FOCAD: variants seen among roughly 807,000 people sequenced by gnomAD.
FOCAD encodes focadhesin.
A neutral mutation model predicts 225.6 loss-of-function variants in FOCAD; 198 were observed. The ratio of observed to expected loss-of-function variants is 0.88; its 90% CI spans 0.78 to 0.99. The LOEUF (loss-of-function observed/expected upper bound fraction) is 0.99, where lower values mean the gene tolerates loss of function less well. Ranked by LOEUF, FOCAD falls within the 50% of genes least tolerant of loss-of-function variation. The pLI is 0.00. For missense variants in FOCAD, 2,713 were observed against 2,123.6 expected, an observed-to-expected ratio of 1.28 and a Z score of -5.46; for synonymous variants, 897 against 755.0, an observed-to-expected ratio of 1.19 and a Z score of -3.08.
chr9:20,931,334 G>A (rs2132212400), intron 27 of FOCAD, among the ~76,000 whole-genome samples: 1 of 152,232 alleles, frequency 6.6e-6, no homozygotes, highest in Non-Finnish European at 1.5e-5. Flanking sequence ...ACGTTCCTGT[G>A]TTTGATAGCA....
At chr9:20,789,767 T>C (rs1820331962) in intron 11 of FOCAD, among the ~76,000 whole-genome samples, 159 bp downstream of exon 11, 14 of 152,222 alleles carry the variant, frequency 9.2e-5, no homozygotes, top group Admixed American at 8.5e-4. Context: ...TTTTTCTTCT[T>C]TTTCCTTACT....
intron 19 of FOCAD, chr9:20,875,927 T>G (rs886647160): frequency 1.3e-5 from 2 of 152,222 alleles, no homozygotes; most frequent in African/African-American, 4.8e-5. Context: ...AAATTTAATT[T>G]CTGGAAATGA....
chr9:20,790,772 A>G (rs1417194538), intron 11 of FOCAD, among the ~76,000 whole-genome samples: 1 of 152,162 alleles, frequency 6.6e-6, no homozygotes, highest in Non-Finnish European at 1.5e-5. Context: ...AGCAAAAAAC[A>G]AAAACAAAAA....
chr9:20,768,201 C>G (rs761291892), intron 7 of FOCAD, among the ~76,000 whole-genome samples: 47 of 148,682 alleles, frequency 3.2e-4, no homozygotes, highest in Non-Finnish European at 5.1e-4. Context: ...GTTTTGGTAC[C>G]AGTACCATGC....
In FOCAD at chr9:20,885,212, A is replaced by G; in HGVS notation, c.2607A>G (p.Ser869=). 6.5e-7 allele frequency: 1 copy of G among 1,529,052 alleles called. No homozygotes were observed. The highest frequency in any genetic ancestry group is 8.8e-7 in the Non-Finnish European group (1 of 1,136,056). The allele number at this position is 1,529,052 out of a possible 1,614,324, so 94.7% of individuals were successfully genotyped here. Residue 869 remains serine, a synonymous_variant, in exon 21 of 44, where the codon TCA becomes TCG. Coordinates refer to ENST00000338382, the MANE Select transcript of FOCAD (RefSeq NM_001375567.1). ...ASRGRSFKQT[S]LALVHEVHIQ... ...GAGGGCGAAGTTTCAAGCAGACTTCACTTGCTCTTGTACATGAGGTAGGTT... is the reference window on the plus strand; with the variant it reads ...GAGGGCGAAGTTTCAAGCAGACTTCGCTTGCTCTTGTACATGAGGTAGGTT...
At position 20,752,361 on chromosome 9, in the gene FOCAD, T is replaced by A. The variant is rs1177907133; in HGVS notation, c.393-5729T>A. ...TAAGGTGTAAGGAAGGGATCCAGTT[T>A]CAGCTTTCTCCATATGGCTAGCCAG... is the stretch of plus-strand genomic sequence containing the variant. On this transcript the variant is annotated intron_variant, in intron 5 of 43. Transcript: ENST00000338382. Among the ~76,000 whole-genome samples the A allele has an allele frequency of 7.3e-5, 11 of 151,514 alleles. No individual in the cohort carries two copies. In the South Asian group the frequency reaches 2.1e-3, roughly 29 times the overall value.
chr9:20,759,798 T>C (rs918054176), intron 6 of FOCAD, among the ~76,000 whole-genome samples: 5 of 152,220 alleles, frequency 3.3e-5, no homozygotes, highest in African/African-American at 9.7e-5. Flanking sequence ...GTTAGGAAAG[T>C]TGGCTAGAAT....
At chr9:20,752,305 G>C (rs1424638768) in intron 5 of FOCAD, among the ~76,000 whole-genome samples, 2 of 150,862 alleles carry the variant, frequency 1.3e-5, no homozygotes, top group Non-Finnish European at 3.0e-5. Context: ...TAACGTTTAA[G>C]TCTTTAATCC....
At chr9:20,859,887 G>T (rs554930206) in intron 15 of FOCAD, among the ~76,000 whole-genome samples, 1 of 151,860 alleles carries the variant, frequency 6.6e-6, no homozygotes, top group East Asian at 1.9e-4. Context: ...GTAGATTTGT[G>T]GTTGCCTAGA....
Position 20,844,888 on chromosome 9 carries a change from T to C in FOCAD, c.1921-17690T>C, listed in dbSNP as rs1322540444. ...TCTTTCGTGAAATTTTCCTATCCCT[T>C]AGGTTTGTGTCCTTCTCTTTTTATT... On this transcript the variant is annotated intron_variant, in intron 15 of 43. Coordinates refer to ENST00000338382, the MANE Select transcript of FOCAD (RefSeq NM_001375567.1). Among the ~76,000 whole-genome samples the C allele has an allele frequency of 4.6e-5, 7 of 152,176 alleles. No individual in the cohort carries two copies. The East Asian group carries it at 1.3e-3, about 29-fold the overall frequency.
chr9:20,785,400 C>A (rs567043267), intron 10 of FOCAD, among the ~76,000 whole-genome samples: 1 of 152,072 alleles, frequency 6.6e-6, no homozygotes, highest in African/African-American at 2.4e-5. Context: ...TCCCTAATTC[C>A]CCCCTTTTTT....
intron 36 of FOCAD, among the ~76,000 whole-genome samples, chr9:20,976,906 CT>C (rs957955023): frequency 2.0e-5 from 3 of 152,166 alleles, no homozygotes; most frequent in Non-Finnish European, 4.4e-5. Context: ...TATTAATTTT[CT>C]ATTGCTGCTG....
intron 11 of FOCAD, among the ~76,000 whole-genome samples, chr9:20,817,356 G>A (rs956656003): frequency 6.6e-6 from 1 of 151,964 alleles, no homozygotes; most frequent in African/African-American, 2.4e-5. Context: ...AGACGTCACT[G>A]CCTGTTTCAC....
chr9:20,812,515 A>G (rs1486509948), intron 11 of FOCAD, among the ~76,000 whole-genome samples: 1 of 152,030 alleles, frequency 6.6e-6, no homozygotes, highest in Non-Finnish European at 1.5e-5. Flanking sequence ...TTCTGAATCC[A>G]GAGTTGAATT....
chr9:20,920,668 A>G (rs1208910937), intron 24 of FOCAD, among the ~76,000 whole-genome samples: 1 of 151,584 alleles, frequency 6.6e-6, no homozygotes, highest in Admixed American at 6.6e-5. Context: ...TTGTAGGGAC[A>G]TGGATGAAAT....
At chr9:20,791,393 A>C (rs1449814157) in intron 11 of FOCAD, among the ~76,000 whole-genome samples, 1 of 152,164 alleles carries the variant, frequency 6.6e-6, no homozygotes, top group Non-Finnish European at 1.5e-5. Context: ...ATACAGAGTG[A>C]TATTTTGATA....
At chr9:20,965,142 T>G (rs1056241518) in intron 35 of FOCAD, among the ~76,000 whole-genome samples, 4 of 152,172 alleles carry the variant, frequency 2.6e-5, no homozygotes, top group Admixed American at 2.6e-4. Context: ...GGTACTCTTT[T>G]ATATGGAAAA....
rs201312327 is a variant in FOCAD at position 20,988,413 on chromosome 9, A to G, written c.4988A>G (p.Asn1663Ser). ...GCTTACCAGTCAACATCCTTTCACAATACGGCTCTTGACAAGGTAAAATCT... is the reference window on the plus strand; with the variant it reads ...GCTTACCAGTCAACATCCTTTCACAGTACGGCTCTTGACAAGGTAAAATCT... ...NVAYQSTSFH[N>S]TALDKALDFF... is the part of the protein sequence containing the mutation. The change falls in exon 41 of 44, where the codon AAT becomes AGT. Residue 1663 changes from asparagine (N) to serine (S), a missense_variant. Coordinates refer to ENST00000338382, the MANE Select transcript of FOCAD (RefSeq NM_001375567.1). The G allele has an allele frequency of 1.6e-5, 25 of 1,602,996 alleles. No homozygotes were observed. Among genetic ancestry groups the G allele is most frequent in the Non-Finnish European group, 1.9e-5 (22 of 1,171,088 alleles).
chr9:20,729,550 T>TG (rs1412223470), intron 4 of FOCAD, among the ~76,000 whole-genome samples: 1 of 152,148 alleles, frequency 6.6e-6, no homozygotes, highest in African/African-American at 2.4e-5. Context: ...ATGTATCTTT[T>TG]GGGGGGACAC....
Sources: gnomAD v4.1 joint callset for allele counts (sites outside exome capture counted in the v4.1 genomes callset) on GRCh38, gnomAD v4.1.1 for gene constraint, MANE v1.5 for transcripts, NCBI Gene and HGNC (gene_info 2026-07-23, HGNC 2026-07-21) for gene names.